Variants in PCDHA5 observed in about 807,000 individuals in gnomAD.
PCDHA5 encodes the protein protocadherin alpha-5.
PCDHA5 carries 43 observed loss-of-function variants against 61.6 expected under a neutral mutation model. The observed-to-expected ratio is 0.70, with a 90% CI of 0.55 to 0.90. PCDHA5 has a LOEUF of 0.90. Ranked by LOEUF, PCDHA5 falls within the 40% of genes least tolerant of loss-of-function variation. The pLI is 0.00. For missense variants in PCDHA5, 1,298 were observed against 1,222.7 expected (o/e 1.06, Z -0.92); for synonymous variants, 627 against 543.9 (o/e 1.15, Z -2.13).
intron 1 of PCDHA5, chr5:140,843,364 G>A: frequency 3.1e-6 from 5 of 1,596,132 alleles, no homozygotes; most frequent in Non-Finnish European, 4.3e-6. Context: ...CGTCATCGAG[G>A]CAGTCGGCTG....
At chr5:140,858,366 G>A (rs2045372675) in intron 1 of PCDHA5, 1 of 1,590,834 alleles carries the variant, frequency 6.3e-7, no homozygotes, top group Admixed American at 1.7e-5. Flanking sequence ...TTCAGCCCCA[G>A]CCTTCCACCA....
chr5:140,914,317 A>G (rs1016365389), intron 1 of PCDHA5, among the ~76,000 whole-genome samples: 15 of 152,122 alleles, frequency 9.9e-5, no homozygotes, highest in Non-Finnish European at 2.9e-5. Flanking sequence ...CCCCATTATC[A>G]TTGTACAAAG....
chr5:140,823,193 T>A lies in PCDHA5; in HGVS notation c.1418T>A (p.Ile473Asn), dbSNP rs2150123303. Residue 473 changes from isoleucine to asparagine, a missense_variant, in exon 1 of 4, where the codon ATC becomes AAC. Ile to Asn is a moderately radical substitution (Grantham distance 149, BLOSUM62 -3). Transcript: ENST00000529859. ...VKENNPPGCH[I>N]FTVSARDADA... is the part of the protein sequence containing the mutation. Reference sequence around the variant, plus strand: ...GAGAACAACCCGCCAGGCTGCCACATCTTCACGGTGTCTGCACGGGACGCG... The same window carrying A: ...GAGAACAACCCGCCAGGCTGCCACAACTTCACGGTGTCTGCACGGGACGCG... 1.2e-5 allele frequency: 20 copies of A among 1,613,836 alleles called. No individual in the cohort carries two copies. The highest frequency in any genetic ancestry group is 1.7e-5 in the Non-Finnish European group (20 of 1,179,820).
chr5:140,875,571 C>T lies in PCDHA5; in HGVS notation c.2352+51444C>T, dbSNP rs782529259. The T allele has an allele frequency of 7.4e-6, 12 of 1,613,992 alleles. No individual in the cohort carries two copies. The Admixed American group carries it at 1.8e-4, about 25-fold the overall frequency. ...AGGTGGGGAGCGGCCAGCTCCACTACTCCGTCTACGAGGAGGCCAAACACG... is the reference window on the plus strand; with the variant it reads ...AGGTGGGGAGCGGCCAGCTCCACTATTCCGTCTACGAGGAGGCCAAACACG... On this transcript the variant is annotated intron_variant, in intron 1 of 3. Transcript: ENST00000529859.
chr5:140,941,211 CTTCCTTTCTTTCTTT>C (rs1563185551), intron 1 of PCDHA5, among the ~76,000 whole-genome samples: 1,583 of 129,706 alleles, frequency 0.012, 22 homozygotes, highest in African/African-American at 0.029. Flanking sequence ...TCCTTTCTTT[CTTCCTTTCTTTCTTT>C]CTTTCTTTCT....
chr5:140,881,282 G>A, intron 1 of PCDHA5: 1 of 795,028 alleles, frequency 1.3e-6, no homozygotes, highest in Non-Finnish European at 1.5e-6. Context: ...GTAAGATGGA[G>A]AGAGAAAATG....
At chr5:140,913,447 CG>C (rs2076342854) in intron 1 of PCDHA5, among the ~76,000 whole-genome samples, 1 of 152,026 alleles carries the variant, frequency 6.6e-6, no homozygotes, top group Non-Finnish European at 1.5e-5. Context: ...TTTTCAGCTC[CG>C]ATTTTATTTA....
intron 1 of PCDHA5, among the ~76,000 whole-genome samples, chr5:140,920,731 C>G (rs2079790420): frequency 6.6e-6 from 1 of 151,924 alleles, no homozygotes; most frequent in African/African-American, 2.4e-5. Flanking sequence ...GCAGTCCCAG[C>G]TACTCAGGAG....
intron 1 of PCDHA5, among the ~76,000 whole-genome samples, chr5:140,911,590 C>A (rs778543832): frequency 3.3e-5 from 5 of 152,156 alleles, no homozygotes; most frequent in Non-Finnish European, 4.4e-5. Context: ...TAGGAGGAAC[C>A]AACCAACTTC....
intron 1 of PCDHA5, chr5:140,877,081 G>A: frequency 6.2e-7 from 1 of 1,613,120 alleles, no homozygotes; most frequent in Non-Finnish European, 8.5e-7. Flanking sequence ...CCAGGTGAGC[G>A]CGCGCGACGC....
rs375455658 is a variant in PCDHA5, at chr5:140,863,185, G to T, written c.2352+39058G>T. 4.3e-3 allele frequency: 3,329 copies of T among 772,160 alleles called. 69 individuals are homozygous for T. Among genetic ancestry groups the T allele is most frequent in the South Asian group, 0.037 (2,838 of 76,536 alleles). 47.8% of individuals were successfully genotyped at this position (772,160 alleles called of 1,614,324 possible). A position where few individuals can be genotyped will look rare whatever the true frequency, so the allele number is the denominator to read the frequency against. ...GCTGGCGCTGACTGCCACCGTCACC[G>T]TGGTGGCGTCGCTGGCGGAGAGCAG... On this transcript the variant is annotated intron_variant, in intron 1 of 3. Transcript: ENST00000529859.
At chr5:141,006,995 A>C (rs1277177404) in intron 3 of PCDHA5, among the ~76,000 whole-genome samples, 1 of 152,208 alleles carries the variant, frequency 6.6e-6, no homozygotes, top group Non-Finnish European at 1.5e-5. Flanking sequence ...TTAAAATATA[A>C]GTCTGCATCT....
At chr5:140,968,036 A>G (rs1554230231) in intron 1 of PCDHA5, 1 of 1,614,042 alleles carries the variant, frequency 6.2e-7, no homozygotes, top group African/African-American at 1.3e-5. Context: ...ACTGGTGGTG[A>G]GCGGCCCACT....
At chr5:140,877,910 T>A in intron 1 of PCDHA5, 2 of 1,431,310 alleles carry the variant, frequency 1.4e-6, no homozygotes, top group African/African-American at 2.9e-5. Flanking sequence ...AACTACATTC[T>A]CTCATTTTTC....
intron 1 of PCDHA5, chr5:140,856,080 A>G: frequency 6.3e-7 from 1 of 1,594,626 alleles, no homozygotes; most frequent in African/African-American, 1.3e-5. Context: ...CTGGGGGTCC[A>G]GTGTCTGCTG....
intron 1 of PCDHA5, among the ~76,000 whole-genome samples, chr5:140,935,416 A>G (rs35902736): frequency 0.059 from 8,919 of 152,326 alleles, 374 homozygotes; most frequent in Non-Finnish European, 0.083. Context: ...ATGGACTTAG[A>G]AAACAATTTC....
intron 1 of PCDHA5, chr5:140,860,149 A>ATG (rs1239190968): frequency 6.7e-6 from 1 of 150,348 alleles, no homozygotes; most frequent in East Asian, 1.9e-4. Context: ...ATATGTATAT[A>ATG]TGTGTATATA....
In PCDHA5 at chr5:140,824,015, G is replaced by A. The variant is rs2150131495; in HGVS notation, c.2240G>A (p.Trp747Ter). The change falls in exon 1 of 4, where the codon TGG (tryptophan) becomes TAG (stop). Residue 747 changes from tryptophan (W) to a stop codon, truncating the protein, a stop_gained. Transcript: ENST00000529859. LOFTEE classifies it high-confidence loss of function. The stretch of plus-strand genomic sequence containing the variant: ...TTGTGCTCCAGCGCGGTGGGGAGCT[G>A]GTCGTACTCGCAGCAGAGGAGACAG... Reference protein sequence around the residue: ...TLLCSSAVGSWSYSQQRRQRV... With the variant: ...TLLCSSAVGS 5.0e-6 allele frequency: 8 copies of A among 1,614,014 alleles called. No homozygotes were observed. The highest frequency in any genetic ancestry group is 6.8e-6 in the Non-Finnish European group (8 of 1,180,012).
chr5:140,967,747 A>C, intron 1 of PCDHA5: 1 of 1,614,160 alleles, frequency 6.2e-7, no homozygotes, highest in Non-Finnish European at 8.5e-7. Context: ...ATTATGAGGA[A>C]GCCTCCTCCT....
Sources: allele counts gnomAD v4.1 joint callset (sites outside exome capture counted in the v4.1 genomes callset), GRCh38; gene constraint gnomAD v4.1.1; transcripts MANE v1.5; gene names NCBI Gene and HGNC (gene_info 2026-07-23, HGNC 2026-07-21).